CDKL4: variants seen among roughly 807,000 people sequenced by gnomAD.
CDKL4 encodes cyclin dependent kinase like 4, also known as cyclin-dependent kinase-like 4.
Under a neutral mutation model 42.0 loss-of-function variants are expected in CDKL4, and 44 were observed. That is an observed-to-expected ratio of 1.05 (90% CI 0.82 to 1.35). The LOEUF (loss-of-function observed/expected upper bound fraction) is 1.35. Among genes scored for constraint, CDKL4 ranks in the 40% most tolerant of loss-of-function variants. CDKL4 has a pLI of 0.00. For synonymous variants in CDKL4, 120 were observed against 121.6 expected, an observed-to-expected ratio of 0.99 and a Z score of 0.09; for missense variants, 393 against 369.9, an observed-to-expected ratio of 1.06 and a Z score of -0.51.
At chr2:39,220,428 G>A (rs1678233594) in intron 3 of CDKL4, among the ~76,000 whole-genome samples, 1 of 152,154 alleles carries the variant, frequency 6.6e-6, no homozygotes, top group Admixed American at 6.5e-5. Flanking sequence ...CAGAGGAAGA[G>A]GAGATTTACA....
intron 5 of CDKL4, among the ~76,000 whole-genome samples, chr2:39,196,407 C>A (rs894438239): frequency 6.6e-6 from 1 of 152,078 alleles, no homozygotes; most frequent in South Asian, 2.1e-4. Flanking sequence ...TGGCTAGATC[C>A]AGAAGAGAAA....
chr2:39,196,597 T>C (rs973553968), intron 5 of CDKL4, among the ~76,000 whole-genome samples: 6 of 151,902 alleles, frequency 3.9e-5, no homozygotes, highest in Non-Finnish European at 5.9e-5. Flanking sequence ...TCCAGTAACA[T>C]GATGACAAAA....
At chr2:39,215,166 A>G (rs775131682) in intron 3 of CDKL4, among the ~76,000 whole-genome samples, 6 of 152,184 alleles carry the variant, frequency 3.9e-5, no homozygotes, top group Non-Finnish European at 8.8e-5. Context: ...GGTTTTGCCA[A>G]TGTTATGTTT....
rs1376918988 is a variant in CDKL4, at chr2:39,176,093, GA to G, written c.930del (p.Gln311AsnfsTer24). On this transcript the variant is annotated frameshift_variant and splice_region_variant, in exon 10 of 10. Transcript: ENST00000451199. LOFTEE classifies it high-confidence loss of function. ...CTTCCTGGTATGAGAGGCAACAGTTGATTCTAATAGCAGAACAAGACAACAA... is the reference window on the plus strand; with the variant it reads ...CTTCCTGGTATGAGAGGCAACAGTTGTTCTAATAGCAGAACAAGACAACAA... The G allele has an allele frequency of 4.3e-6, 2 of 468,918 alleles. No individual in the cohort carries two copies. Among genetic ancestry groups the G allele is most frequent in the South Asian group, 3.1e-5 (2 of 63,842 alleles). 29.0% of individuals were successfully genotyped at this position (468,918 alleles called of 1,614,324 possible).
chr2:39,178,596 T>C (rs746608499), intron 9 of CDKL4: 122 of 1,555,186 alleles, frequency 7.8e-5, no homozygotes, highest in Non-Finnish European at 1.0e-4. Context: ...GACAGTCACC[T>C]GATAAACTGC....
In CDKL4 at chr2:39,196,315, A is replaced by C. The variant is rs1206213738; in HGVS notation, c.455-5813T>G. ...GAGCAGGTGCTGGTATCCATAGCTGAAAGATCTGACAATGGATCACATCAC... is the reference window on the plus strand; with the variant it reads ...GAGCAGGTGCTGGTATCCATAGCTGCAAGATCTGACAATGGATCACATCAC... On this transcript the variant is annotated intron_variant, in intron 5 of 9. Coordinates refer to ENST00000451199, the Ensembl canonical transcript of CDKL4. Among the ~76,000 whole-genome samples, 2 of 152,206 alleles carry C rather than the reference A, an allele frequency of 1.3e-5. 1 individual carries two copies. Among genetic ancestry groups the C allele is most frequent in the Non-Finnish European group, 2.9e-5 (2 of 68,018 alleles).
At chr2:39,224,259 T>C (rs1267154324) in intron 3 of CDKL4, among the ~76,000 whole-genome samples, 1 of 152,130 alleles carries the variant, frequency 6.6e-6, no homozygotes, top group East Asian at 1.9e-4. Context: ...TTAGTCTTTT[T>C]CAAATTTCAA....
chr2:39,168,860 G>T, the CDKL4 span, among the ~76,000 whole-genome samples: 7 of 151,092 alleles, frequency 4.6e-5, no homozygotes, highest in African/African-American at 1.7e-4. Flanking sequence ...GGGTTCAAGC[G>T]ATTCTCCTGC....
rs933325027 is a variant in CDKL4, at chr2:39,180,790, G to C, written c.793-1469C>G. On this transcript the variant is annotated intron_variant, in intron 8 of 9. Coordinates refer to ENST00000451199, the Ensembl canonical transcript of CDKL4. ...ACTGCAAACTCCACCTCCCAGGTTT[G>C]AGCGATTCTCATGCCTCAGCCTCCC... is the stretch of plus-strand genomic sequence containing the variant. 3.4e-5 allele frequency among the ~76,000 whole-genome samples: 5 copies of C among 148,140 alleles called. No homozygotes were observed. In the East Asian group the frequency reaches 8.0e-4, roughly 24 times the overall value.
intron 3 of CDKL4, among the ~76,000 whole-genome samples, chr2:39,216,661 C>A (rs1170306820): frequency 1.3e-5 from 2 of 151,968 alleles, no homozygotes; most frequent in Non-Finnish European, 2.9e-5. Context: ...GAGGGACTAG[C>A]GAGGGTGGAG....
intron 5 of CDKL4, among the ~76,000 whole-genome samples, chr2:39,197,051 G>A (rs1676562100): frequency 6.6e-6 from 1 of 152,162 alleles, no homozygotes; most frequent in African/African-American, 2.4e-5. Flanking sequence ...AGAGAAAGAT[G>A]AAGTCCAACC....
intron 4 of CDKL4, among the ~76,000 whole-genome samples, chr2:39,211,875 C>T (rs188465182): frequency 3.3e-5 from 5 of 151,934 alleles, no homozygotes; most frequent in Admixed American, 6.6e-5. Context: ...AATGGGGATG[C>T]GATATGAAGT....
At chr2:39,193,386 T>C (rs1027440739) in intron 5 of CDKL4, among the ~76,000 whole-genome samples, 58 of 150,930 alleles carry the variant, frequency 3.8e-4, no homozygotes, top group African/African-American at 1.4e-3. Flanking sequence ...TTATTATTAT[T>C]GTTTTTGAGA....
chr2:39,231,592 A>G (rs1679095194), intron 1 of CDKL4, among the ~76,000 whole-genome samples: 1 of 152,254 alleles, frequency 6.6e-6, no homozygotes, highest in South Asian at 2.1e-4. Context: ...CAAGTAACAC[A>G]TGGAAAATCC....
At chr2:39,243,344 T>C (rs1679758196) in intron 1 of CDKL4, among the ~76,000 whole-genome samples, 1 of 152,118 alleles carries the variant, frequency 6.6e-6, no homozygotes, top group African/African-American at 2.4e-5. Flanking sequence ...AATTATTGAA[T>C]TTCAAAAGTA....
At chr2:39,196,954 G>T (rs947069411) in intron 5 of CDKL4, among the ~76,000 whole-genome samples, 1 of 152,072 alleles carries the variant, frequency 6.6e-6, no homozygotes, top group Non-Finnish European at 1.5e-5. Flanking sequence ...TAACTCACCA[G>T]CAATGGATCC....
At chr2:39,227,723 A>G (rs902073664) in intron 2 of CDKL4, among the ~76,000 whole-genome samples, 1 of 152,250 alleles carries the variant, frequency 6.6e-6, no homozygotes, top group African/African-American at 2.4e-5. Context: ...GAAGCAAAGC[A>G]GGATCTCTAC....
At chr2:39,207,618 C>G (rs913442941) in intron 4 of CDKL4, among the ~76,000 whole-genome samples, 2 of 152,088 alleles carry the variant, frequency 1.3e-5, no homozygotes, top group South Asian at 4.1e-4. Flanking sequence ...TGTCCATTGG[C>G]CTATACATAT....
chr2:39,233,165 T>G (rs1326830325), intron 1 of CDKL4, among the ~76,000 whole-genome samples: 2 of 150,400 alleles, frequency 1.3e-5, no homozygotes, highest in Non-Finnish European at 3.0e-5. Context: ...ATGAGAGGGG[T>G]GAGATCTAAA....
Sources: gnomAD v4.1 joint callset for allele counts (sites outside exome capture counted in the v4.1 genomes callset) on GRCh38, gnomAD v4.1.1 for gene constraint, MANE v1.5 for transcripts, NCBI Gene and HGNC (gene_info 2026-07-23, HGNC 2026-07-21) for gene names.